LRRC75B: variants seen among roughly 807,000 people sequenced by gnomAD.
LRRC75B encodes leucine-rich repeat-containing protein 75B.
A neutral mutation model predicts 16.5 loss-of-function variants in LRRC75B; 20 were observed. The ratio of observed to expected loss-of-function variants is 1.21; its 90% confidence interval spans 0.85 to 1.76. LRRC75B has a LOEUF of 1.76. LRRC75B is among the 40% of genes most tolerant of loss of function. The pLI is 0.00. For synonymous variants in LRRC75B, 199 were observed against 198.1 expected, an observed-to-expected ratio of 1.00 and a Z score of -0.04; for missense variants, 406 against 417.0, an observed-to-expected ratio of 0.97 and a Z score of 0.23.
chr22:24,590,223 C>T (rs775668345), intron 1 of LRRC75B, among the ~76,000 whole-genome samples: 6 of 152,306 alleles, frequency 3.9e-5, no homozygotes, highest in Middle Eastern at 3.4e-3. Flanking sequence ...ACATCTGCCT[C>T]CTCAAGGAAT....
chr22:24,592,989 G>C lies in LRRC75B; in HGVS notation c.51C>G (p.Ala17=), dbSNP rs1169147154. 7.8e-6 allele frequency: 9 copies of C among 1,156,210 alleles called. No individual in the cohort carries two copies. Among genetic ancestry groups the C allele is most frequent in the African/African-American group, 1.6e-5 (1 of 61,484 alleles). The allele number at this position is 1,156,210 out of a possible 1,614,324, so 71.6% of individuals were successfully genotyped here. ...RRAGPEAGSE[A]GAAAGCGPAP... Reference sequence around the variant, plus strand: ...CGGGCCCGCAGCCGGCCGCCGCCCCGGCCTCAGAGCCAGCCTCGGGCCCGG... The same window carrying C: ...CGGGCCCGCAGCCGGCCGCCGCCCCCGCCTCAGAGCCAGCCTCGGGCCCGG... The change falls in exon 1 of 4, where the codon GCC becomes GCG. Residue 17 remains alanine, a synonymous_variant. Coordinates refer to ENST00000318753, the MANE Select transcript of LRRC75B (RefSeq NM_207644.3).
intron 2 of LRRC75B, chr22:24,589,216 T>C (rs971241355): frequency 3.2e-6 from 4 of 1,252,584 alleles, no homozygotes; most frequent in Non-Finnish European, 4.2e-6. Context: ...GCTGTGTCGA[T>C]GCTCATGGCA....
chr22:24,590,320 T>G (rs536705040), intron 1 of LRRC75B, among the ~76,000 whole-genome samples: 1 of 152,190 alleles, frequency 6.6e-6, no homozygotes, highest in East Asian at 1.9e-4. Flanking sequence ...TTTGTAGAAA[T>G]GGGGTCTCAC....
chr22:24,592,794 C>A, intron 1 of LRRC75B, 69 bp downstream of exon 1: 1 of 1,270,198 alleles, frequency 7.9e-7, no homozygotes, highest in South Asian at 2.0e-5. Context: ...AGCCCCGCGC[C>A]TCCCAGACCC....
At position 24,592,880 on chromosome 22, in the gene LRRC75B, G is replaced by A; in HGVS notation, c.160C>T (p.Leu54=). ...ERRPERARQL[L]RLLRQDLGLE... ...TCTCTCGCCTGGCGCAGGAGGCGCA[G>A]CAGCTGCCGGGCGCGCTCCGGCCGC... Residue 54 remains leucine, a synonymous_variant, in exon 1 of 4, where the codon CTG becomes TTG. Transcript: ENST00000318753. 7.8e-7 allele frequency: 1 copy of A among 1,283,018 alleles called. No homozygotes were observed. The highest frequency in any genetic ancestry group is 9.9e-7 in the Non-Finnish European group (1 of 1,014,840). The allele number at this position is 1,283,018 out of a possible 1,614,324, so 79.5% of individuals were successfully genotyped here. A position where few individuals can be genotyped will look rare whatever the true frequency, so the allele number is the denominator to read the frequency against.
chr22:24,592,318 G>A, intron 1 of LRRC75B: 1 of 470,266 alleles, frequency 2.1e-6, no homozygotes, highest in South Asian at 1.5e-5. Flanking sequence ...TGGAGAACTG[G>A]TGATGCATGG....
In LRRC75B at chr22:24,586,387, A is replaced by T. The variant is rs1392686018; in HGVS notation, c.447T>A (p.Thr149=). 1.2e-6 allele frequency: 2 copies of T among 1,613,114 alleles called. No homozygotes were observed. The highest frequency in any genetic ancestry group is 1.7e-6 in the Non-Finnish European group (2 of 1,179,596). ...QSCLKSSLQK[T]LLAGETVDLS... ...GGTCCACAGTCTCCCCTGCCAGCAG[A>T]GTCTTCTGGAGGCTGCTCTTGAGGC... The change falls in exon 4 of 4, where the codon ACT becomes ACA. Residue 149 remains threonine (T), a synonymous_variant. Transcript: ENST00000318753.
intron 1 of LRRC75B, among the ~76,000 whole-genome samples, chr22:24,590,321 G>A (rs2045531678): frequency 6.6e-6 from 1 of 152,126 alleles, no homozygotes; most frequent in Non-Finnish European, 1.5e-5. Flanking sequence ...TTGTAGAAAT[G>A]GGGTCTCACT....
At chr22:24,589,036 G>A in intron 2 of LRRC75B, 1 of 1,022,538 alleles carries the variant, frequency 9.8e-7, no homozygotes. Context: ...GCAAGCCCTG[G>A]CTGTTCCTGT....
chr22:24,589,290 C>T (rs1187808893), intron 2 of LRRC75B: 18 of 1,229,820 alleles, frequency 1.5e-5, no homozygotes, highest in Non-Finnish European at 1.9e-5. Flanking sequence ...CTGCAGGTGG[C>T]AAACTCCACC....
chr22:24,586,171 CGTCA>C lies in LRRC75B; in HGVS notation c.659_662del (p.Leu220ArgfsTer47). 6.2e-7 allele frequency: 1 copy of C among 1,613,606 alleles called. No homozygotes were observed. The highest frequency in any genetic ancestry group is 8.5e-7 in the Non-Finnish European group (1 of 1,179,988). On this transcript the variant is annotated frameshift_variant, in exon 4 of 4. Coordinates refer to ENST00000318753, the MANE Select transcript of LRRC75B (RefSeq NM_207644.3). LOFTEE classifies it low-confidence loss of function (END_TRUNC). Reference sequence around the variant, plus strand: ...CAGTGAGCTTGCGGGCAGTGGCCCGCGTCAGTCGGTTGCCGTTGAGCAGGAGCTG... The same window carrying C: ...CAGTGAGCTTGCGGGCAGTGGCCCGCGTCGGTTGCCGTTGAGCAGGAGCTG...
At chr22:24,592,728 G>A (rs2147177513) in intron 1 of LRRC75B, 135 bp downstream of exon 1, 2 of 1,297,402 alleles carry the variant, frequency 1.5e-6, no homozygotes, top group South Asian at 1.6e-5. Flanking sequence ...ACCCGCCTGC[G>A]CGCGCCAGAG....
intron 2 of LRRC75B, chr22:24,589,516 T>C (rs2045504496): frequency 2.1e-6 from 1 of 474,946 alleles, no homozygotes; most frequent in South Asian, 3.6e-5. Context: ...GGTCCCCATA[T>C]GACTTCTGCC....
In LRRC75B at chr22:24,589,948, T is replaced by C; in HGVS notation, c.179A>G (p.Asp60Gly). The part of the protein sequence containing the change: ...ARQLLRLLRQ[D>G]LGLERTLLPD... ...AAGGAGGGTCCTCTCAAGGCCCAGG[T>C]CCTGTGAGTGGTGAAGAGAGAGTTG... is the stretch of plus-strand genomic sequence containing the variant. Residue 60 changes from aspartate to glycine, a missense_variant and splice_region_variant, in exon 2 of 4, where the codon GAC (aspartate) becomes GGC (glycine). Asp to Gly is a moderately conservative substitution (Grantham distance 94, BLOSUM62 -1). Coordinates refer to ENST00000318753, the MANE Select transcript of LRRC75B (RefSeq NM_207644.3). The C allele has an allele frequency of 6.3e-7, 1 of 1,592,916 alleles. No individual in the cohort carries two copies. Among genetic ancestry groups the C allele is most frequent in the Non-Finnish European group, 8.5e-7 (1 of 1,169,848 alleles).
At chr22:24,588,833 G>A (rs777055760) in intron 2 of LRRC75B, 6 of 1,012,748 alleles carry the variant, frequency 5.9e-6, no homozygotes, top group Non-Finnish European at 7.1e-6. Context: ...GGCTGACAGG[G>A]CTGGGGGATG....
Position 24,592,992 on chromosome 22 carries a change from C to G in LRRC75B, c.48G>C (p.Glu16Asp). 1 of 1,154,188 alleles carries G rather than the reference C, an allele frequency of 8.7e-7. No homozygotes were observed. The highest frequency in any genetic ancestry group is 3.6e-4 in the Middle Eastern group (1 of 2,812). 71.5% of individuals were successfully genotyped at this position (1,154,188 alleles called of 1,614,324 possible). A position where few individuals can be genotyped will look rare whatever the true frequency, so the allele number is the denominator to read the frequency against. Residue 16 changes from glutamate to aspartate, a missense_variant, in exon 1 of 4, where the codon GAG (glutamate) becomes GAC (aspartate). By Grantham distance (45) the Glu-to-Asp change is conservative. Coordinates refer to ENST00000318753, the MANE Select transcript of LRRC75B (RefSeq NM_207644.3). ...GCCCGCAGCCGGCCGCCGCCCCGGCCTCAGAGCCAGCCTCGGGCCCGGCCC... is the reference window on the plus strand; with the variant it reads ...GCCCGCAGCCGGCCGCCGCCCCGGCGTCAGAGCCAGCCTCGGGCCCGGCCC... The part of the protein sequence containing the change: ...GRRAGPEAGS[E>D]AGAAAGCGPA...
chr22:24,588,647 C>T (rs1223189713), intron 2 of LRRC75B: 1 of 1,137,864 alleles, frequency 8.8e-7, no homozygotes, highest in East Asian at 5.1e-5. Context: ...AGCCGGCTGC[C>T]TGCCCACCCT....
rs754464900 is a variant in LRRC75B, at chr22:24,586,003, G to A, written c.831C>T (p.Tyr277=). 6.2e-6 allele frequency: 10 copies of A among 1,610,730 alleles called. No individual in the cohort carries two copies. The highest frequency in any genetic ancestry group is 1.6e-4 in the Middle Eastern group (1 of 6,078). The change falls in exon 4 of 4, where the codon TAC becomes TAT. Residue 277 remains tyrosine, a synonymous_variant. Transcript: ENST00000318753. The part of the protein sequence containing the change: ...LSQRTSLPTI[Y]EGLDLEPEGS... ...CCTCAGGCTCAAGGTCCAGGCCCTC[G>A]TAGATGGTGGGGAGTGAGGTGCGCT... is the stretch of plus-strand genomic sequence containing the variant.
chr22:24,592,543 C>A, intron 1 of LRRC75B: 1 of 439,546 alleles, frequency 2.3e-6, no homozygotes, highest in Non-Finnish European at 4.5e-6. Context: ...GCTCTTAGGT[C>A]CAGGCTACCG....
Sources: gnomAD v4.1 joint callset for allele counts (sites outside exome capture counted in the v4.1 genomes callset) on GRCh38, gnomAD v4.1.1 for gene constraint, MANE v1.5 for transcripts, NCBI Gene and HGNC (gene_info 2026-07-23, HGNC 2026-07-21) for gene names.